The following TUSC3 variants were observed in gnomAD, a reference collection of about 807,000 sequenced individuals.
TUSC3 encodes the protein tumor suppressor candidate 3.
TUSC3 carries 45 observed loss-of-function variants against 44.8 expected under a neutral mutation model. The ratio of observed to expected loss-of-function variants is 1.00; its 90% confidence interval spans 0.79 to 1.29. The LOEUF (loss-of-function observed/expected upper bound fraction) is 1.29. TUSC3 is among the 50% of genes most tolerant of loss of function. The pLI, the probability that TUSC3 is intolerant of heterozygous loss-of-function variation, is 0.00. For synonymous variants in TUSC3, 212 were observed against 152.9 expected, an observed-to-expected ratio of 1.39 and a Z score of -2.85; for missense variants, 519 against 437.9, an observed-to-expected ratio of 1.19 and a Z score of -1.65.
chr8:15,492,867 A>T (rs1800828540), intron 2 of TUSC3, among the ~76,000 whole-genome samples: 2 of 152,190 alleles, frequency 1.3e-5, no homozygotes, highest in Non-Finnish European at 2.9e-5. Context: ...GCAAAATATT[A>T]TAATTAGGTA....
intron 1 of TUSC3, chr8:15,417,417 A>C (rs1389521976): frequency 6.6e-6 from 1 of 152,254 alleles, no homozygotes; most frequent in South Asian, 2.1e-4. Flanking sequence ...TAAACTCTGC[A>C]AAGTCACAGT....
intron 1 of TUSC3, among the ~76,000 whole-genome samples, chr8:15,472,839 A>T (rs973216667): frequency 1.3e-5 from 2 of 152,236 alleles, no homozygotes; most frequent in African/African-American, 4.8e-5. Context: ...CTTTGTGGAC[A>T]TAAAGAGAAT....
intron 5 of TUSC3, among the ~76,000 whole-genome samples, chr8:15,667,010 T>G (rs1807691343): frequency 6.6e-6 from 1 of 151,576 alleles, no homozygotes; most frequent in African/African-American, 2.4e-5. Context: ...TATGGATAGA[T>G]TTTAGCATTT....
At chr8:15,714,095 C>G (rs1415393705) in intron 6 of TUSC3, among the ~76,000 whole-genome samples, 2 of 152,104 alleles carry the variant, frequency 1.3e-5, no homozygotes, top group African/African-American at 4.8e-5. Context: ...TAACATCTAC[C>G]TCTTTACTCA....
At chr8:15,738,304 C>T (rs1283308081) in intron 7 of TUSC3, among the ~76,000 whole-genome samples, 1 of 152,156 alleles carries the variant, frequency 6.6e-6, no homozygotes, top group Admixed American at 6.5e-5. Flanking sequence ...TAAATTCTTG[C>T]ATTTTAAAAA....
chr8:15,457,669 TA>T (rs1800275184), intron 1 of TUSC3, among the ~76,000 whole-genome samples: 1 of 149,608 alleles, frequency 6.7e-6, no homozygotes, highest in African/African-American at 2.4e-5. Context: ...AATTAATATA[TA>T]AACAGCATTG....
chr8:15,673,599 C>T, intron 5 of TUSC3, 148 bp from the exon 6 acceptor site: 1 of 685,504 alleles, frequency 1.5e-6, no homozygotes, highest in Non-Finnish European at 2.6e-6. Context: ...TACTCAAAGT[C>T]CCATAGTTAA....
chr8:15,665,657 A>G (rs553969206), intron 5 of TUSC3, among the ~76,000 whole-genome samples: 24 of 151,452 alleles, frequency 1.6e-4, no homozygotes, highest in African/African-American at 5.8e-4. Flanking sequence ...ATATGCAAAT[A>G]TATTACTTTG....
At chr8:15,753,362 T>C (rs898937444) in intron 9 of TUSC3, among the ~76,000 whole-genome samples, 3 of 152,080 alleles carry the variant, frequency 2.0e-5, no homozygotes, top group Non-Finnish European at 4.4e-5. Flanking sequence ...CAAGCTTTCA[T>C]AAATCCTTAT....
chr8:15,769,393 G>A (rs1243878694), downstream of TUSC3, among the ~76,000 whole-genome samples: 1 of 152,068 alleles, frequency 6.6e-6, no homozygotes, highest in Non-Finnish European at 1.5e-5. Context: ...AACTGAAACT[G>A]GACCCCTCCC....
At chr8:15,481,001 AC>A (rs1800650435) in intron 1 of TUSC3, among the ~76,000 whole-genome samples, 1 of 152,084 alleles carries the variant, frequency 6.6e-6, no homozygotes, top group Admixed American at 6.6e-5. Context: ...TAATTCCAGC[AC>A]TTTGGGAGGC....
chr8:15,669,695 G>C (rs1195128458), intron 5 of TUSC3, among the ~76,000 whole-genome samples: 1 of 151,632 alleles, frequency 6.6e-6, no homozygotes, highest in Non-Finnish European at 1.5e-5. Flanking sequence ...AAACAAAATA[G>C]AAGGGAATTT....
chr8:15,711,409 C>A (rs1809845373), intron 6 of TUSC3, among the ~76,000 whole-genome samples: 1 of 149,744 alleles, frequency 6.7e-6, no homozygotes, highest in Admixed American at 6.7e-5. Context: ...TTTTTCTAAA[C>A]CAAAAACTTA....
At chr8:15,630,816 C>G (rs1260933949) in intron 2 of TUSC3, among the ~76,000 whole-genome samples, 1 of 152,170 alleles carries the variant, frequency 6.6e-6, no homozygotes, top group African/African-American at 2.4e-5. Flanking sequence ...GAATTGAATA[C>G]AGCTGGCTAA....
chr8:15,536,803 C>A (rs185731663), upstream of TUSC3, among the ~76,000 whole-genome samples: 72 of 145,672 alleles, frequency 4.9e-4, no homozygotes, highest in African/African-American at 1.7e-3. Flanking sequence ...GAGGACTAAG[C>A]TCTGATTTTC....
At position 15,459,246 on chromosome 8, in the gene TUSC3, A is replaced by G. The variant is rs112615384; in HGVS notation, n.92-24140A>G. On this transcript the variant is annotated intron_variant and non_coding_transcript_variant, in intron 1 of 5. Coordinates refer to the TUSC3 transcript ENST00000503191. ...CTGAATTAATATTAGTTTATATCCA[A>G]TAATGGTGTTGACTGTCTAGTTCAG... is the stretch of plus-strand genomic sequence containing the variant. Among the ~76,000 whole-genome samples, 114 of 152,188 alleles carry G rather than the reference A, an allele frequency of 7.5e-4. 1 individual carries two copies. The highest frequency in any genetic ancestry group is 1.4e-3 in the Non-Finnish European group (95 of 68,036).
intron 2 of TUSC3, among the ~76,000 whole-genome samples, chr8:15,528,205 C>G (rs1801401384): frequency 1.3e-5 from 2 of 151,854 alleles, no homozygotes; most frequent in African/African-American, 4.8e-5. Context: ...GAAAAAAAAA[C>G]TTTCCATCAT....
chr8:15,667,784 T>C (rs1286663975), intron 5 of TUSC3, among the ~76,000 whole-genome samples: 1 of 151,804 alleles, frequency 6.6e-6, no homozygotes, highest in Non-Finnish European at 1.5e-5. Context: ...TTAAATACAA[T>C]GTGAAATGTT....
chr8:15,595,285 A>G (rs1022792804), intron 1 of TUSC3, among the ~76,000 whole-genome samples: 10 of 152,104 alleles, frequency 6.6e-5, no homozygotes, highest in African/African-American at 2.4e-4. Flanking sequence ...TTCAAGGGGA[A>G]TCTCTAGATT....
Sources: allele counts gnomAD v4.1 joint callset (sites outside exome capture counted in the v4.1 genomes callset), GRCh38; gene constraint gnomAD v4.1.1; transcripts MANE v1.5; gene names NCBI Gene and HGNC (gene_info 2026-07-23, HGNC 2026-07-21).